Variants in GLUD1 observed in about 807,000 individuals in gnomAD.
GLUD1 encodes the protein glutamate dehydrogenase 1, mitochondrial.
Under a neutral mutation model 56.0 loss-of-function variants are expected in GLUD1, and 22 were observed. The observed-to-expected ratio is 0.39, with a 90% confidence interval of 0.28 to 0.56. The LOEUF (loss-of-function observed/expected upper bound fraction) is 0.56. GLUD1 is among the 20% of genes least tolerant of loss of function. GLUD1 has a pLI of 0.58. For missense variants in GLUD1, 451 were observed against 732.0 expected, an observed-to-expected ratio of 0.62 and a Z score of 4.43; for synonymous variants, 223 against 269.9, an observed-to-expected ratio of 0.83 and a Z score of 1.70.
At chr10:87,069,514 C>CAAAAAAAAAAAAAAAAAAAAAAAA (rs374019349) in intron 4 of GLUD1, among the ~76,000 whole-genome samples, 1 of 62,620 alleles carries the variant, frequency 1.6e-5, no homozygotes, top group Non-Finnish European at 3.3e-5. Context: ...GACTCTGTTT[C>CAAAAAAAAAAAAAAAAAAAAAAAA]AAAAAAAAAA....
At chr10:87,053,847 C>A (rs966262055) in intron 11 of GLUD1, among the ~76,000 whole-genome samples, 1 of 152,074 alleles carries the variant, frequency 6.6e-6, no homozygotes, top group Non-Finnish European at 1.5e-5. Flanking sequence ...AACCCCATAG[C>A]GGCTTTGGGG....
In GLUD1 at chr10:87,094,288, G is replaced by C; in HGVS notation, c.445+37C>G. 6.4e-7 allele frequency: 1 copy of C among 1,566,524 alleles called. No individual in the cohort carries two copies. Among genetic ancestry groups the C allele is most frequent in the Middle Eastern group, 2.3e-4 (1 of 4,422 alleles). On this transcript the variant is annotated intron_variant, in intron 1 of 12. Coordinates refer to ENST00000277865, the MANE Select transcript of GLUD1 (RefSeq NM_005271.5). This position sits in a 1 kb window ranked among gnomAD's most constrained non-coding sequence, Gnocchi z 6.6. ...GGCCGGAGGGGAGGGCCGCAGGGGA[G>C]GCAGGGAGGGCGGGACGGGGCCCGG...
At chr10:87,080,402 G>A (rs1841190122) in intron 1 of GLUD1, among the ~76,000 whole-genome samples, 1 of 150,606 alleles carries the variant, frequency 6.6e-6, no homozygotes, top group South Asian at 2.1e-4. Context: ...GCCGCCCATC[G>A]TCTGAGATGT....
chr10:87,076,064 TAAA>T, intron 2 of GLUD1, 41 bp from the exon 3 acceptor site: 1 of 1,364,588 alleles, frequency 7.3e-7, no homozygotes, highest in South Asian at 1.2e-5. Flanking sequence ...ATATAAATGT[TAAA>T]AAAGTAAAAT....
intron 1 of GLUD1, among the ~76,000 whole-genome samples, chr10:87,077,435 T>C (rs1846429766): frequency 1.3e-5 from 2 of 152,036 alleles, no homozygotes; most frequent in Non-Finnish European, 2.9e-5. Flanking sequence ...TTACCTGTTA[T>C]TCTCCTCACC....
intron 4 of GLUD1, 101 bp downstream of exon 4, chr10:87,074,450 T>C: frequency 1.3e-6 from 1 of 758,576 alleles, no homozygotes; most frequent in Admixed American, 1.9e-5. Context: ...ATCGCACCAC[T>C]GCACTCTAGT....
At chr10:87,068,898 G>T (rs1846146977) in intron 4 of GLUD1, among the ~76,000 whole-genome samples, 1 of 150,866 alleles carries the variant, frequency 6.6e-6, no homozygotes, top group Non-Finnish European at 1.5e-5. Flanking sequence ...ACTCAAATCT[G>T]TAAAGGTGCA....
At chr10:87,079,465 ATTGTTTAAAC>A (rs1215502124) in intron 1 of GLUD1, among the ~76,000 whole-genome samples, 1 of 152,134 alleles carries the variant, frequency 6.6e-6, no homozygotes, top group Non-Finnish European at 1.5e-5. Context: ...GAAAAAAAAA[ATTGTTTAAAC>A]ACTAAAATGT....
intron 4 of GLUD1, among the ~76,000 whole-genome samples, chr10:87,068,670 C>G (rs1057384896): frequency 2.5e-4 from 38 of 152,116 alleles, no homozygotes; most frequent in African/African-American, 8.9e-4. Context: ...TGTGTTAAGC[C>G]CCATATTATT....
In GLUD1 at chr10:87,051,384, T is replaced by G. The variant is rs557411283; in HGVS notation, c.*367A>C. 8 of 370,590 alleles carry G rather than the reference T, an allele frequency of 2.2e-5. No individual in the cohort carries two copies. Among genetic ancestry groups the G allele is most frequent in the African/African-American group, 1.5e-4 (7 of 47,394 alleles). 23.0% of individuals were successfully genotyped at this position (370,590 alleles called of 1,614,324 possible). On this transcript the variant is annotated 3_prime_UTR_variant, in exon 13 of 13. Transcript: ENST00000277865. ...AAAGTTACAGTGTGTCCCAGACTCA[T>G]CCAGAAAAAATAAGCAAGCAACTGA...
At chr10:87,080,218 A>G (rs1841180311) in intron 1 of GLUD1, among the ~76,000 whole-genome samples, 1 of 151,964 alleles carries the variant, frequency 6.6e-6, no homozygotes, top group African/African-American at 2.4e-5. Flanking sequence ...AGGATTGCAG[A>G]CGGTGTCTGG....
At chr10:87,070,217 C>G (rs1846192539) in intron 4 of GLUD1, among the ~76,000 whole-genome samples, 1 of 152,206 alleles carries the variant, frequency 6.6e-6, no homozygotes, top group Admixed American at 6.5e-5. Flanking sequence ...CTTTGGGAGG[C>G]CGAGGCAGGA....
chr10:87,094,057 C>CTA lies in GLUD1; in HGVS notation c.445+267_445+268insTA. On this transcript the variant is annotated intron_variant, in intron 1 of 12. Transcript: ENST00000277865. The surrounding 1 kb of genome is among the most constrained non-coding windows in gnomAD (Gnocchi z 6.6). ...CGGGACCAAAAGGAGACCGGTGCAGCGTCTACTCTGCATGCAAGATCAGCA... is the reference window on the plus strand; with the variant it reads ...CGGGACCAAAAGGAGACCGGTGCAGCTAGTCTACTCTGCATGCAAGATCAGCA... 6.6e-7 allele frequency: 1 copy of CTA among 1,509,834 alleles called. No homozygotes were observed. Among genetic ancestry groups the CTA allele is most frequent in the Non-Finnish European group, 8.8e-7 (1 of 1,130,552 alleles). The allele number at this position is 1,509,834 out of a possible 1,614,324, so 93.5% of individuals were successfully genotyped here. A position where few individuals can be genotyped will look rare whatever the true frequency, so the allele number is the denominator to read the frequency against.
intron 11 of GLUD1, among the ~76,000 whole-genome samples, chr10:87,055,247 A>C (rs1845738396): frequency 6.6e-6 from 1 of 152,122 alleles, no homozygotes; most frequent in Non-Finnish European, 1.5e-5. Flanking sequence ...AGTATGACAA[A>C]GGAAACAAGA....
At chr10:87,093,953 G>A (rs1453480259) in intron 1 of GLUD1, 6 of 1,379,444 alleles carry the variant, frequency 4.3e-6, no homozygotes, top group Non-Finnish European at 5.7e-6. Context: ...GAACACTGAC[G>A]AGGCATTATC....
chr10:87,088,798 A>C (rs1288454921), intron 1 of GLUD1, among the ~76,000 whole-genome samples: 1 of 152,232 alleles, frequency 6.6e-6, no homozygotes, highest in Admixed American at 6.5e-5. Context: ...GCATTTTCTT[A>C]GTTTTTAATG....
intron 10 of GLUD1, 86 bp from the exon 11 acceptor site, chr10:87,057,868 T>C (rs1589355461): frequency 1.3e-6 from 1 of 760,874 alleles, no homozygotes. Flanking sequence ...AAACTATAAC[T>C]GTAACCCAAA....
intron 11 of GLUD1, among the ~76,000 whole-genome samples, chr10:87,054,488 A>G (rs1845715685): frequency 6.6e-6 from 1 of 152,208 alleles, no homozygotes; most frequent in Non-Finnish European, 1.5e-5. Flanking sequence ...AAATGTTTCA[A>G]GGTGGGAGTG....
At position 87,094,213 on chromosome 10, in the gene GLUD1, C is replaced by T; in HGVS notation, c.445+112G>A. 1 of 1,420,126 alleles carries T rather than the reference C, an allele frequency of 7.0e-7. No individual in the cohort carries two copies. Among genetic ancestry groups the T allele is most frequent in the Non-Finnish European group, 9.4e-7 (1 of 1,066,838 alleles). 88.0% of individuals were successfully genotyped at this position (1,420,126 alleles called of 1,614,324 possible). On this transcript the variant is annotated intron_variant, in intron 1 of 12. Coordinates refer to ENST00000277865, the MANE Select transcript of GLUD1 (RefSeq NM_005271.5). The surrounding 1 kb of genome is among the most constrained non-coding windows in gnomAD (Gnocchi z 6.6). ...GGGTGACCCGGGCGGGGACCCGGCC[C>T]GCTCCAGCTGGGCTGGGCTGGGCTG...
Sources: allele counts gnomAD v4.1 joint callset (sites outside exome capture counted in the v4.1 genomes callset), GRCh38; gene constraint gnomAD v4.1.1; non-coding constraint Gnocchi (gnomAD v3.1); transcripts MANE v1.5; gene names NCBI Gene and HGNC (gene_info 2026-07-23, HGNC 2026-07-21).